Variants in GPC6 observed in about 807,000 individuals in gnomAD.
The protein encoded by GPC6 is glypican-6.
Under a neutral mutation model 55.2 loss-of-function variants are expected in GPC6, and 14 were observed. The ratio of observed to expected loss-of-function variants is 0.25; its 90% CI spans 0.17 to 0.40. The LOEUF is 0.40. Ranked by LOEUF, GPC6 falls within the 10% of genes least tolerant of loss-of-function variation. The pLI is 1.00. For missense variants in GPC6, 641 were observed against 708.5 expected (o/e 0.90, Z 1.08); for synonymous variants, 278 against 259.6 (o/e 1.07, Z -0.68).
intron 3 of GPC6, among the ~76,000 whole-genome samples, chr13:94,020,079 T>A (rs772321049): frequency 6.8e-6 from 1 of 147,326 alleles, no homozygotes. Context: ...AGTTTTTTCC[T>A]TTTTTTCTAG....
chr13:93,466,765 G>T (rs1202386905), intron 1 of GPC6, among the ~76,000 whole-genome samples: 1 of 152,112 alleles, frequency 6.6e-6, no homozygotes, highest in African/African-American at 2.4e-5. Flanking sequence ...AATGGTGGAG[G>T]CTCAAAGCTA....
intron 1 of GPC6, among the ~76,000 whole-genome samples, chr13:93,499,877 T>C (rs1486499767): frequency 6.6e-6 from 1 of 152,210 alleles, no homozygotes; most frequent in African/African-American, 2.4e-5. Context: ...GCTTTTAGTA[T>C]AGTAAATTGT....
chr13:94,370,881 T>C (rs977251236), intron 6 of GPC6, among the ~76,000 whole-genome samples: 2 of 152,204 alleles, frequency 1.3e-5, no homozygotes, highest in African/African-American at 4.8e-5. Context: ...AAAGATATTC[T>C]TTTTTATTTC....
intron 2 of GPC6, among the ~76,000 whole-genome samples, chr13:93,800,144 G>A (rs1360338550): frequency 1.3e-5 from 2 of 152,108 alleles, no homozygotes; most frequent in African/African-American, 4.8e-5. Context: ...ATACTAGAAA[G>A]GCCTCTCTTA....
chr13:93,916,311 C>A (rs1327134042), intron 3 of GPC6, among the ~76,000 whole-genome samples: 1 of 152,152 alleles, frequency 6.6e-6, no homozygotes, highest in Non-Finnish European at 1.5e-5. Context: ...CTGTTTGTTA[C>A]AGGCATAAAT....
intron 1 of GPC6, among the ~76,000 whole-genome samples, chr13:93,471,892 T>A (rs536122216): frequency 7.1e-4 from 108 of 152,352 alleles, no homozygotes; most frequent in Non-Finnish European, 1.4e-3. Context: ...TTAGATTCAG[T>A]TGACTTATGG....
intron 4 of GPC6, among the ~76,000 whole-genome samples, chr13:94,056,626 T>C (rs1458546046): frequency 1.3e-5 from 2 of 152,162 alleles, no homozygotes; most frequent in Non-Finnish European, 2.9e-5. Flanking sequence ...TTTAACAGTA[T>C]AATCTTGTTA....
intron 4 of GPC6, among the ~76,000 whole-genome samples, chr13:94,194,106 C>T (rs746845850): frequency 6.6e-6 from 1 of 152,164 alleles, no homozygotes; most frequent in African/African-American, 2.4e-5. Context: ...TGTTATATAT[C>T]ATTGCAGATA....
chr13:94,238,851 A>G (rs532539523), intron 4 of GPC6, among the ~76,000 whole-genome samples: 3 of 152,228 alleles, frequency 2.0e-5, no homozygotes, highest in South Asian at 2.1e-4. Context: ...CTCGATATAA[A>G]TAAAACTGGG....
intron 2 of GPC6, among the ~76,000 whole-genome samples, chr13:93,639,542 G>GA (rs570068769): frequency 2.6e-5 from 4 of 151,888 alleles, no homozygotes; most frequent in African/African-American, 9.7e-5. Context: ...AAAGGCTGTT[G>GA]AAAAAAAATC....
At chr13:93,825,942 C>A (rs1461373551) in intron 2 of GPC6, among the ~76,000 whole-genome samples, 2 of 147,214 alleles carry the variant, frequency 1.4e-5, no homozygotes, top group African/African-American at 2.5e-5. Flanking sequence ...CTCATTGCAA[C>A]CTCCGCTTCC....
intron 6 of GPC6, among the ~76,000 whole-genome samples, chr13:94,356,276 C>T (rs779178751): frequency 1.3e-5 from 2 of 152,126 alleles, no homozygotes; most frequent in Non-Finnish European, 2.9e-5. Flanking sequence ...TCTTTATAAC[C>T]GGATGATTTA....
intron 1 of GPC6, among the ~76,000 whole-genome samples, chr13:93,372,103 C>A (rs1433561387): frequency 6.6e-6 from 1 of 152,128 alleles, no homozygotes. Context: ...TTCATTAATT[C>A]ATTTATACTT....
intron 6 of GPC6, among the ~76,000 whole-genome samples, chr13:94,344,800 AG>A (rs1481807943): frequency 6.6e-6 from 1 of 152,242 alleles, no homozygotes; most frequent in Non-Finnish European, 1.5e-5. Flanking sequence ...TGTCTCTATA[AG>A]GATAAAAATT....
chr13:93,940,213 C>T (rs532859912), intron 3 of GPC6, among the ~76,000 whole-genome samples: 2 of 152,164 alleles, frequency 1.3e-5, no homozygotes, highest in East Asian at 3.9e-4. Flanking sequence ...TTTTAATGCA[C>T]TGTTTTTAAT....
chr13:94,117,599 C>T (rs1321451027), intron 4 of GPC6, among the ~76,000 whole-genome samples: 2 of 151,992 alleles, frequency 1.3e-5, no homozygotes, highest in Non-Finnish European at 2.9e-5. Flanking sequence ...TTTGTTGGCT[C>T]AGAACATATT....
At chr13:93,445,537 T>C (rs988372859) in intron 1 of GPC6, among the ~76,000 whole-genome samples, 8 of 152,132 alleles carry the variant, frequency 5.3e-5, no homozygotes, top group African/African-American at 1.7e-4. Flanking sequence ...AGAAATGGAG[T>C]CTGTCAACTC....
intron 1 of GPC6, among the ~76,000 whole-genome samples, chr13:93,370,262 T>G (rs185208078): frequency 6.6e-6 from 1 of 152,136 alleles, no homozygotes; most frequent in Admixed American, 6.6e-5. Flanking sequence ...TAAAAATTCA[T>G]GCAAACAGAG....
intron 4 of GPC6, among the ~76,000 whole-genome samples, chr13:94,266,158 T>TG (rs1891799056): frequency 7.0e-5 from 10 of 143,222 alleles, no homozygotes; most frequent in African/African-American, 1.6e-4. Flanking sequence ...TTTCTTTTTT[T>TG]TTTTTGTTTG....
Sources: allele counts gnomAD v4.1 joint callset (sites outside exome capture counted in the v4.1 genomes callset), GRCh38; gene constraint gnomAD v4.1.1; transcripts MANE v1.5; gene names NCBI Gene and HGNC (gene_info 2026-07-23, HGNC 2026-07-21).